Variants in DNAJC9 observed in about 807,000 individuals in gnomAD.
DNAJC9 encodes dnaJ homolog subfamily C member 9.
Under a neutral mutation model 32.4 loss-of-function variants are expected in DNAJC9, and 18 were observed. The ratio of observed to expected loss-of-function variants is 0.56; its 90% CI spans 0.38 to 0.82. The LOEUF (loss-of-function observed/expected upper bound fraction) is 0.82, where lower values mean the gene tolerates loss of function less well. Ranked by LOEUF, DNAJC9 falls within the 40% of genes least tolerant of loss-of-function variation. The probability of loss-of-function intolerance (pLI) is 0.00; values close to 1 mark genes in which losing one functional copy is unlikely to be tolerated. For missense variants in DNAJC9, 310 were observed against 321.8 expected (o/e 0.96, Z 0.28); for synonymous variants, 113 against 122.1 (o/e 0.93, Z 0.49).
chr10:73,246,197 C>G, intron 2 of DNAJC9, 21 bp from the exon 3 acceptor site: 1 of 1,585,412 alleles, frequency 6.3e-7, no homozygotes. Context: ...AGGAGATTTG[C>G]TTTAACTTTG....
In DNAJC9 at chr10:73,243,299, T is replaced by C. The variant is rs1198883406; in HGVS notation, c.*101A>G. Reference sequence around the variant, plus strand: ...AAAAATTCAGGCTGGAAAGACACCTTTTCTCAAGAGCTGAATTGACTTTTG... The same window carrying C: ...AAAAATTCAGGCTGGAAAGACACCTCTTCTCAAGAGCTGAATTGACTTTTG... On this transcript the variant is annotated 3_prime_UTR_variant, in exon 5 of 5. Coordinates refer to ENST00000372950, the MANE Select transcript of DNAJC9 (RefSeq NM_015190.5). The C allele has an allele frequency of 8.0e-6, 11 of 1,381,320 alleles. No individual in the cohort carries two copies. Among genetic ancestry groups the C allele is most frequent in the Non-Finnish European group, 1.1e-5 (11 of 1,004,708 alleles). The allele number at this position is 1,381,320 out of a possible 1,614,324, so 85.6% of individuals were successfully genotyped here. A position where few individuals can be genotyped will look rare whatever the true frequency, so the allele number is the denominator to read the frequency against.
intron 2 of DNAJC9, chr10:73,233,144 A>G (rs1249766882): frequency 1.3e-6 from 2 of 1,551,362 alleles, no homozygotes; most frequent in South Asian, 2.4e-5. Context: ...TGTGGAAGAA[A>G]TCCTCAGAGG....
At chr10:73,239,282 A>C, downstream of DNAJC9, 2 of 1,531,486 alleles carry the variant, frequency 1.3e-6, no homozygotes, top group Non-Finnish European at 1.8e-6. Flanking sequence ...AAGATGCATC[A>C]TAAGAAGTGT....
downstream of DNAJC9, among the ~76,000 whole-genome samples, chr10:73,238,444 C>T (rs984540082): frequency 6.6e-6 from 1 of 152,264 alleles, no homozygotes; most frequent in Admixed American, 6.5e-5. Flanking sequence ...GGCCAGTAAA[C>T]TACAGTTCCT....
chr10:73,233,192 A>G, intron 2 of DNAJC9: 1 of 1,463,890 alleles, frequency 6.8e-7, no homozygotes, highest in Non-Finnish European at 9.4e-7. Context: ...ACTTCTGGAA[A>G]CCGTGGTAAA....
In DNAJC9 at chr10:73,242,345, T is replaced by C. The variant is rs1325446560; in HGVS notation, c.*1055A>G. ...ATCTACATAGAAATGAAAATCTCTA[T>C]TGTTCTCACAAACCATTACCATGAG... is the stretch of plus-strand genomic sequence containing the variant. On this transcript the variant is annotated 3_prime_UTR_variant, in exon 5 of 5. Transcript: ENST00000372950. The C allele has an allele frequency of 2.0e-5, 3 of 152,214 alleles. No homozygotes were observed. In the East Asian group the frequency reaches 5.8e-4, roughly 29 times the overall value. 9.4% of individuals were successfully genotyped at this position (152,214 alleles called of 1,614,324 possible). A position where few individuals can be genotyped will look rare whatever the true frequency, so the allele number is the denominator to read the frequency against.
In DNAJC9 at chr10:73,245,921, C is replaced by T. The variant is rs759907372; in HGVS notation, c.576+1G>A. The T allele has an allele frequency of 6.8e-6, 11 of 1,609,624 alleles. No homozygotes were observed. The highest frequency in any genetic ancestry group is 1.1e-5 in the South Asian group (1 of 90,248). On this transcript the variant is annotated splice_donor_variant, in intron 3 of 4. Transcript: ENST00000372950. LOFTEE classifies it high-confidence loss of function. ...TAAATCCACAGTATTCAAAATCTTA[C>T]CCTCCTTTTCCTTGCATTCATCTTT...
chr10:73,244,017 T>G (rs1007986754), intron 3 of DNAJC9, 88 bp from the exon 4 acceptor site: 2 of 1,066,448 alleles, frequency 1.9e-6, no homozygotes, highest in Non-Finnish European at 2.8e-6. Context: ...ATAATTCTGT[T>G]TCAATTTTAT....
chr10:73,235,143 C>A (rs1226548534), downstream of DNAJC9: 1 of 1,539,566 alleles, frequency 6.5e-7, no homozygotes, highest in Admixed American at 2.0e-5. Context: ...AACTACATAC[C>A]ACATTACAGA....
downstream of DNAJC9, chr10:73,235,220 C>T (rs1445487732): frequency 5.8e-6 from 9 of 1,551,620 alleles, no homozygotes; most frequent in Non-Finnish European, 6.1e-6. Context: ...TAGTCGAGCT[C>T]AAAGTGCGGT....
At chr10:73,232,894 C>T in intron 2 of DNAJC9, 3 of 1,146,176 alleles carry the variant, frequency 2.6e-6, no homozygotes, top group Non-Finnish European at 3.9e-6. Context: ...TCTTCCTTGA[C>T]ATACTGATCT....
In DNAJC9 at chr10:73,242,204, G is replaced by A. The variant is rs963962055; in HGVS notation, c.*1196C>T. On this transcript the variant is annotated 3_prime_UTR_variant, in exon 5 of 5. Coordinates refer to ENST00000372950, the MANE Select transcript of DNAJC9 (RefSeq NM_015190.5). ...CTATTTGTAGTCACAAACCGAAAAC[G>A]TGTCGTCTTTACCTTAGAGCTAAAG... 1.1e-4 allele frequency: 16 copies of A among 152,032 alleles called. No individual in the cohort carries two copies. Among genetic ancestry groups the A allele is most frequent in the Admixed American group, 7.9e-4 (12 of 15,264 alleles). The allele number at this position is 152,032 out of a possible 1,614,324, so 9.4% of individuals were successfully genotyped here.
downstream of DNAJC9, among the ~76,000 whole-genome samples, chr10:73,237,656 A>C (rs2043850695): frequency 6.6e-6 from 1 of 152,150 alleles, no homozygotes; most frequent in African/African-American, 2.4e-5. Flanking sequence ...TTCTGACCCC[A>C]AGTGATCCAC....
chr10:73,243,331 A>C lies in DNAJC9; in HGVS notation c.*69T>G. 1 of 1,579,112 alleles carries C rather than the reference A, an allele frequency of 6.3e-7. No homozygotes were observed. ...AGAGCTGAATTGACTTTTGCCTTCA[A>C]ATCCTGCCTGCACCTTGCCTACGAT... On this transcript the variant is annotated 3_prime_UTR_variant, in exon 5 of 5. Coordinates refer to ENST00000372950, the MANE Select transcript of DNAJC9 (RefSeq NM_015190.5).
chr10:73,243,770 A>T, intron 4 of DNAJC9, 73 bp downstream of exon 4: 1 of 1,393,130 alleles, frequency 7.2e-7, no homozygotes. Flanking sequence ...AAAACAAAAT[A>T]CAACATTCCA....
intron 3 of DNAJC9, among the ~76,000 whole-genome samples, chr10:73,245,283 A>C (rs1236816190): frequency 6.6e-6 from 1 of 152,038 alleles, no homozygotes; most frequent in Non-Finnish European, 1.5e-5. Flanking sequence ...CAGTGGTCCT[A>C]AAAGTTGTGT....
At chr10:73,240,931 T>A, downstream of DNAJC9, 1 of 1,467,396 alleles carries the variant, frequency 6.8e-7, no homozygotes, top group Non-Finnish European at 9.3e-7. Flanking sequence ...AATGTTACTC[T>A]ATGTCATCTG....
rs768414351 is a variant in DNAJC9, at chr10:73,246,741, C to T, written c.268G>A (p.Val90Met). 6.2e-7 allele frequency: 1 copy of T among 1,614,088 alleles called. No individual in the cohort carries two copies. The highest frequency in any genetic ancestry group is 1.7e-5 in the Admixed American group (1 of 60,018). The change falls in exon 2 of 5, where the codon GTG becomes ATG. Residue 90 changes from valine (V) to methionine (M), a missense_variant. Val to Met is a conservative substitution (Grantham distance 21). Transcript: ENST00000372950. ...EQGTVDEDSP[V>M]LTQDRDWEAY... The stretch of plus-strand genomic sequence containing the variant: ...TCCCAGTCTCGGTCTTGGGTGAGCA[C>T]AGGAGAGTCCTCGTCCACTGTTCCC...
rs754571644 is a variant in DNAJC9, at chr10:73,245,968, G to C, written c.530C>G (p.Ala177Gly). The change falls in exon 3 of 5, where the codon GCC becomes GGC. Residue 177 changes from alanine (A) to glycine (G), a missense_variant. Transcript: ENST00000372950. ...CTTTTGTTTCGATTCTTTGACAAAG[G>C]CATTATAGGATGGGACCTCTCCGGC... is the stretch of plus-strand genomic sequence containing the variant. ...IDAGEVPSYNAFVKESKQKMN... is the reference protein window; with the variant it reads ...IDAGEVPSYNGFVKESKQKMN... 2.5e-6 allele frequency: 4 copies of C among 1,613,026 alleles called. No homozygotes were observed. The East Asian group carries it at 8.9e-5, about 36-fold the overall frequency.
Sources: gnomAD v4.1 joint callset for allele counts (sites outside exome capture counted in the v4.1 genomes callset) on GRCh38, gnomAD v4.1.1 for gene constraint, MANE v1.5 for transcripts, NCBI Gene and HGNC (gene_info 2026-07-23, HGNC 2026-07-21) for gene names.